Variants in ATP10A observed in about 807,000 individuals in gnomAD.
The protein encoded by ATP10A is ATPase phospholipid transporting 10A (putative).
A neutral mutation model predicts 147.8 loss-of-function variants in ATP10A; 111 were observed. The observed-to-expected ratio is 0.75, with a 90% CI of 0.64 to 0.88. The LOEUF is 0.88. Among genes scored for constraint, ATP10A ranks in the 40% least tolerant of loss-of-function variants. The pLI is 0.00. For synonymous variants in ATP10A, 875 were observed against 841.6 expected (o/e 1.04, Z -0.69); for missense variants, 1,927 against 1,959.0 (o/e 0.98, Z 0.31).
At chr15:25,791,578 A>T (rs1018461606) in intron 1 of ATP10A, among the ~76,000 whole-genome samples, 14 of 152,036 alleles carry the variant, frequency 9.2e-5, no homozygotes, top group African/African-American at 2.9e-4. Context: ...GTAGAGACGG[A>T]GTCTTGCTAT....
intron 1 of ATP10A, among the ~76,000 whole-genome samples, chr15:25,808,384 G>A (rs80038436): frequency 0.054 from 7,014 of 129,868 alleles, 201 homozygotes; most frequent in African/African-American, 0.086. Flanking sequence ...TGTGAGAACA[G>A]TTTTGTTTTG....
At position 25,764,914 on chromosome 15, in the gene ATP10A, GCCA is replaced by G. The variant is rs1261948166; in HGVS notation, c.654+16102_654+16104del. Among the ~76,000 whole-genome samples, 7 of 152,342 alleles carry G rather than the reference GCCA, an allele frequency of 4.6e-5. 1 individual carries two copies. Among genetic ancestry groups the G allele is most frequent in the Admixed American group, 6.5e-5 (1 of 15,298 alleles). ...CCATGACTGGGTTCAGGAAATGAGT[GCCA>G]CTGGGGACCTGTGACTGCAGGGAAA... On this transcript the variant is annotated intron_variant, in intron 2 of 20. Transcript: ENST00000555815.
intron 2 of ATP10A, among the ~76,000 whole-genome samples, chr15:25,741,522 A>G (rs575519885): frequency 1.3e-5 from 2 of 152,346 alleles, no homozygotes; most frequent in African/African-American, 2.4e-5. Context: ...TGCCTTCATT[A>G]AATTAAGTCA....
At chr15:25,672,820 G>A (rs1242593735), downstream of ATP10A, among the ~76,000 whole-genome samples, 1 of 152,110 alleles carries the variant, frequency 6.6e-6, no homozygotes, top group Non-Finnish European at 1.5e-5. Flanking sequence ...ACTCTTGTAG[G>A]ATATGTTTGG....
chr15:25,708,302 T>C lies in ATP10A; in HGVS notation c.2345-2A>G. On this transcript the variant is annotated splice_acceptor_variant, in intron 10 of 20. Coordinates refer to ENST00000555815, the MANE Select transcript of ATP10A (RefSeq NM_024490.4). LOFTEE classifies it high-confidence loss of function. Reference sequence around the variant, plus strand: ...TTTGATGCCTCCCTCTGGCGTCAACTAGGTTGGAGAATAAGCAGAAACATG... The same window carrying C: ...TTTGATGCCTCCCTCTGGCGTCAACCAGGTTGGAGAATAAGCAGAAACATG... 1 of 1,612,926 alleles carries C rather than the reference T, an allele frequency of 6.2e-7. No individual in the cohort carries two copies. Among genetic ancestry groups the C allele is most frequent in the Non-Finnish European group, 8.5e-7 (1 of 1,178,896 alleles).
chr15:25,773,818 CCACACA>C (rs56751876), intron 2 of ATP10A, among the ~76,000 whole-genome samples: 56,527 of 137,596 alleles, frequency 0.41, 10,949 homozygotes, highest in East Asian at 0.63. Context: ...ACCTAAACAT[CCACACA>C]CACACACACA....
intron 1 of ATP10A, among the ~76,000 whole-genome samples, chr15:25,860,653 G>C (rs536134407): frequency 2.6e-5 from 4 of 152,262 alleles, no homozygotes; most frequent in African/African-American, 9.6e-5. Flanking sequence ...CTGGAGTCAA[G>C]GGCAGAGTGG....
intron 2 of ATP10A, among the ~76,000 whole-genome samples, chr15:25,736,565 A>G (rs1887295468): frequency 6.6e-6 from 1 of 152,204 alleles, no homozygotes; most frequent in Non-Finnish European, 1.5e-5. Context: ...TTTTCAACGT[A>G]CACTACATGA....
At chr15:25,719,524 G>T (rs1294219307) in intron 7 of ATP10A, among the ~76,000 whole-genome samples, 3 of 152,196 alleles carry the variant, frequency 2.0e-5, no homozygotes, top group Non-Finnish European at 4.4e-5. Flanking sequence ...GAGGTGAGGG[G>T]CTGGGCTTCA....
In ATP10A at chr15:25,701,950, T is replaced by A. The variant is rs1900688352; in HGVS notation, c.2726A>T (p.Asp909Val). 6.2e-7 allele frequency: 1 copy of A among 1,612,346 alleles called. No individual in the cohort carries two copies. Among genetic ancestry groups the A allele is most frequent in the Non-Finnish European group, 8.5e-7 (1 of 1,179,212 alleles). ...GGCATTCAGGGTGATGACCTCCTCGTCGTGGTCCAGCAGTTTGCAGGCATA... is the reference window on the plus strand; with the variant it reads ...GGCATTCAGGGTGATGACCTCCTCGACGTGGTCCAGCAGTTTGCAGGCATA... ...IAYACKLLDH[D>V]EEVITLNATS... The change falls in exon 13 of 21, where the codon GAC becomes GTC. Residue 909 changes from aspartate (D) to valine (V), a missense_variant. Coordinates refer to ENST00000555815, the MANE Select transcript of ATP10A (RefSeq NM_024490.4).
At chr15:25,820,330 C>T (rs1891827618) in intron 1 of ATP10A, among the ~76,000 whole-genome samples, 1 of 152,088 alleles carries the variant, frequency 6.6e-6, no homozygotes, top group Non-Finnish European at 1.5e-5. Context: ...AATTAATGGA[C>T]AGAATGTCTA....
At chr15:25,719,612 C>A (rs1902083968) in intron 7 of ATP10A, among the ~76,000 whole-genome samples, 1 of 147,128 alleles carries the variant, frequency 6.8e-6, no homozygotes. Flanking sequence ...ATGGAGCCAT[C>A]CTTCAGGGCC....
chr15:25,816,573 G>A (rs773806154), intron 1 of ATP10A, among the ~76,000 whole-genome samples: 2 of 152,106 alleles, frequency 1.3e-5, no homozygotes, highest in African/African-American at 2.4e-5. Context: ...ATTTTCACAA[G>A]TACTGCCATT....
At chr15:25,675,984 G>C (rs1205169354), downstream of ATP10A, among the ~76,000 whole-genome samples, 3 of 152,046 alleles carry the variant, frequency 2.0e-5, no homozygotes, top group Admixed American at 1.3e-4. Context: ...GGAGGGAGAG[G>C]AGGAGGGGAA....
At chr15:25,780,160 C>G (rs1300814020) in intron 2 of ATP10A, among the ~76,000 whole-genome samples, 3 of 152,244 alleles carry the variant, frequency 2.0e-5, no homozygotes, top group Non-Finnish European at 4.4e-5. Context: ...CAGGGAAGCC[C>G]GATGGGCTGG....
At chr15:25,839,487 G>T (rs1377887483) in intron 1 of ATP10A, among the ~76,000 whole-genome samples, 1 of 152,068 alleles carries the variant, frequency 6.6e-6, no homozygotes, top group Non-Finnish European at 1.5e-5. Context: ...CGTTGACCAA[G>T]ATCTTCATCT....
At chr15:25,803,866 C>A (rs997389735) in intron 1 of ATP10A, among the ~76,000 whole-genome samples, 1 of 152,252 alleles carries the variant, frequency 6.6e-6, no homozygotes, top group Non-Finnish European at 1.5e-5. Flanking sequence ...CATCACCTCT[C>A]CTGGCACGCA....
At chr15:25,806,413 C>T (rs764312444) in intron 1 of ATP10A, among the ~76,000 whole-genome samples, 9 of 152,026 alleles carry the variant, frequency 5.9e-5, no homozygotes, top group East Asian at 3.9e-4. Context: ...CCCAGGTTCA[C>T]GCCATTCTCC....
intron 2 of ATP10A, among the ~76,000 whole-genome samples, chr15:25,778,143 C>T (rs1161449925): frequency 6.6e-6 from 1 of 152,030 alleles, no homozygotes; most frequent in Admixed American, 6.6e-5. Flanking sequence ...TTCTCCTTAA[C>T]CTAAGCGTTG....
Sources: gnomAD v4.1 joint callset for allele counts (sites outside exome capture counted in the v4.1 genomes callset) on GRCh38, gnomAD v4.1.1 for gene constraint, MANE v1.5 for transcripts, NCBI Gene and HGNC (gene_info 2026-07-23, HGNC 2026-07-21) for gene names.